The following GNG4 variants were observed in gnomAD, a reference collection of about 807,000 sequenced individuals.
The protein encoded by GNG4 is guanine nucleotide-binding protein G(I)/G(S)/G(O) subunit gamma-4.
A neutral mutation model predicts 5.8 loss-of-function variants in GNG4; 4 were observed. That is an observed-to-expected ratio of 0.69 (90% CI 0.34 to 1.57). GNG4 has a LOEUF of 1.57. Ranked by LOEUF, GNG4 falls within the 40% of genes most tolerant of loss-of-function variation. The pLI is 0.06. For synonymous variants in GNG4, 29 were observed against 32.9 expected (o/e 0.88, Z 0.41); for missense variants, 96 against 95.1 (o/e 1.01, Z -0.04).
chr1:235,587,599 G>A (rs202131617), intron 2 of GNG4, among the ~76,000 whole-genome samples: 1 of 1,110 alleles, frequency 9.0e-4, no homozygotes, highest in Non-Finnish European at 2.3e-3. Context: ...GTGAGTGTGG[G>A]AGGGCATGGG....
chr1:235,554,029 A>C (rs1686828494), intron 3 of GNG4, among the ~76,000 whole-genome samples: 1 of 152,226 alleles, frequency 6.6e-6, no homozygotes, highest in Non-Finnish European at 1.5e-5. Context: ...GGAATTTCCC[A>C]GATGGGTGAG....
intron 1 of GNG4, among the ~76,000 whole-genome samples, chr1:235,605,281 C>T (rs1179439558): frequency 6.6e-6 from 1 of 151,854 alleles, no homozygotes; most frequent in Non-Finnish European, 1.5e-5. Context: ...ACCTCCGCCT[C>T]CCAGGTTCAA....
At chr1:235,619,125 G>T (rs1264236683) in intron 1 of GNG4, among the ~76,000 whole-genome samples, 5 of 91,780 alleles carry the variant, frequency 5.4e-5, no homozygotes, top group African/African-American at 2.3e-4. Flanking sequence ...CATTGCAAAC[G>T]CTGTCTCTAA....
chr1:235,620,247 C>T (rs891856913), intron 1 of GNG4, among the ~76,000 whole-genome samples: 1 of 152,108 alleles, frequency 6.6e-6, no homozygotes, highest in African/African-American at 2.4e-5. Flanking sequence ...CGTCTGTAAT[C>T]CCAGCTACGT....
chr1:235,561,014 T>C (rs1012174593), intron 3 of GNG4, among the ~76,000 whole-genome samples: 4 of 152,138 alleles, frequency 2.6e-5, no homozygotes, highest in Non-Finnish European at 5.9e-5. Flanking sequence ...ATTTTGCCCT[T>C]TTCTTTTTTC....
At chr1:235,609,266 TGATAGA>T (rs1242995956) in intron 1 of GNG4, among the ~76,000 whole-genome samples, 1 of 152,236 alleles carries the variant, frequency 6.6e-6, no homozygotes, top group Non-Finnish European at 1.5e-5. Context: ...GCCCATCTGC[TGATAGA>T]CATTTGGGCT....
chr1:235,624,277 ATT>A (rs879375174), intron 1 of GNG4, among the ~76,000 whole-genome samples: 2 of 139,614 alleles, frequency 1.4e-5, no homozygotes. Context: ...TAATTTTTGT[ATT>A]TTTTTTTTTT....
chr1:235,643,628 G>A (rs778577660), intron 1 of GNG4, among the ~76,000 whole-genome samples: 2 of 152,140 alleles, frequency 1.3e-5, no homozygotes, highest in Admixed American at 6.5e-5. Context: ...TGAACACATC[G>A]ATCGCATCCA....
intron 2 of GNG4, among the ~76,000 whole-genome samples, chr1:235,592,587 C>A (rs1047906826): frequency 6.6e-6 from 1 of 151,772 alleles, no homozygotes; most frequent in East Asian, 1.9e-4. Context: ...TTTTTTTTGC[C>A]GACCCCAACA....
chr1:235,641,360 A>G (rs1657323535), intron 1 of GNG4, among the ~76,000 whole-genome samples: 1 of 152,192 alleles, frequency 6.6e-6, no homozygotes, highest in African/African-American at 2.4e-5. Flanking sequence ...ACTGCACACC[A>G]GCCTGGGCAA....
chr1:235,644,181 A>G lies in GNG4; in HGVS notation c.-123+5481T>C, dbSNP rs1009625842. ...GGGCACCCAGAGGTCCAGATCAGCA[A>G]AAGAGGCCAGTGACTCTGTCTCCAT... is the stretch of plus-strand genomic sequence containing the variant. On this transcript the variant is annotated intron_variant, in intron 1 of 3. Coordinates refer to ENST00000391854, the MANE Select transcript of GNG4 (RefSeq NM_001098722.2). The surrounding 1 kb of genome is among the most constrained non-coding windows in gnomAD (Gnocchi z 5.9). 2.0e-5 allele frequency among the ~76,000 whole-genome samples: 3 copies of G among 152,208 alleles called. No homozygotes were observed. Among genetic ancestry groups the G allele is most frequent in the Non-Finnish European group, 2.9e-5 (2 of 68,028 alleles).
intron 2 of GNG4, among the ~76,000 whole-genome samples, chr1:235,593,606 T>TTAAAGG: frequency 6.6e-6 from 1 of 152,344 alleles, no homozygotes; most frequent in Non-Finnish European, 1.5e-5. Flanking sequence ...TTCTCAATTC[T>TTAAAGG]TAAAGGCGGC....
chr1:235,558,838 T>C (rs1054459431), intron 3 of GNG4, among the ~76,000 whole-genome samples: 1 of 152,202 alleles, frequency 6.6e-6, no homozygotes, highest in Non-Finnish European at 1.5e-5. Context: ...TATTGAACTG[T>C]TAGAGTTACA....
At chr1:235,608,680 ATTTT>A (rs1297806370) in intron 1 of GNG4, among the ~76,000 whole-genome samples, 1 of 130,430 alleles carries the variant, frequency 7.7e-6, no homozygotes, top group East Asian at 2.2e-4. Flanking sequence ...TTAGTTTTTT[ATTTT>A]TTATTTTTTT....
intron 3 of GNG4, among the ~76,000 whole-genome samples, chr1:235,579,862 A>AAAAAAAAAAAAAAAT (rs57019025): frequency 0.015 from 1,647 of 108,408 alleles, 217 homozygotes; most frequent in African/African-American, 0.046. Context: ...CAAAAAAAAA[A>AAAAAAAAAAAAAAAT]AGGTAAAAAG....
At chr1:235,594,843 G>A (rs773974884) in intron 2 of GNG4, among the ~76,000 whole-genome samples, 1 of 152,202 alleles carries the variant, frequency 6.6e-6, no homozygotes, top group Non-Finnish European at 1.5e-5. Flanking sequence ...GTGCAGCAGA[G>A]GGCTGAAGGG....
chr1:235,565,332 C>T (rs1230667749), intron 3 of GNG4, among the ~76,000 whole-genome samples: 1 of 152,092 alleles, frequency 6.6e-6, no homozygotes, highest in African/African-American at 2.4e-5. Context: ...GAAACCCCAT[C>T]TCTACTAAAA....
chr1:235,627,437 G>T (rs1688839702), intron 1 of GNG4, among the ~76,000 whole-genome samples: 1 of 151,952 alleles, frequency 6.6e-6, no homozygotes, highest in Non-Finnish European at 1.5e-5. Context: ...TGGCCAGGCT[G>T]GTCTCAAACT....
intron 3 of GNG4, among the ~76,000 whole-genome samples, chr1:235,582,111 T>A (rs535782411): frequency 1.2e-4 from 19 of 152,268 alleles, no homozygotes; most frequent in Admixed American, 5.2e-4. Flanking sequence ...TGTGTTTGCC[T>A]CCCCGATCGC....
Sources: gnomAD v4.1 joint callset for allele counts (sites outside exome capture counted in the v4.1 genomes callset) on GRCh38, gnomAD v4.1.1 for gene constraint, Gnocchi (gnomAD v3.1) non-coding constraint, MANE v1.5 for transcripts, NCBI Gene and HGNC (gene_info 2026-07-23, HGNC 2026-07-21) for gene names.